The following DHPS variants were observed in gnomAD, a reference collection of about 807,000 sequenced individuals.
DHPS encodes migration-inducing gene 13.
In DHPS, 24 loss-of-function variants were observed where a neutral mutation model predicts 38.7. The observed-to-expected ratio is 0.62, with a 90% CI of 0.45 to 0.87. The LOEUF (loss-of-function observed/expected upper bound fraction) is 0.87. Among genes scored for constraint, DHPS ranks in the 40% least tolerant of loss-of-function variants. DHPS has a pLI of 0.00. For synonymous variants in DHPS, 250 were observed against 204.4 expected (o/e 1.22, Z -1.90); for missense variants, 510 against 497.6 (o/e 1.02, Z -0.24).
At chr19:12,677,991 G>A (rs569395091) in intron 5 of DHPS, among the ~76,000 whole-genome samples, 15 of 149,322 alleles carry the variant, frequency 1.0e-4, no homozygotes, top group Non-Finnish European at 1.9e-4. Context: ...GGTGGCTCAC[G>A]CTTGTAATCC....
At chr19:12,675,038 A>G (rs2024531199), downstream of DHPS, among the ~76,000 whole-genome samples, 1 of 151,742 alleles carries the variant, frequency 6.6e-6, no homozygotes, top group Non-Finnish European at 1.5e-5. Context: ...CGCTTGAACT[A>G]GGGAGTCGGA....
rs560866055 is a variant in DHPS, at chr19:12,675,777, G to T, written c.*61C>A. On this transcript the variant is annotated 3_prime_UTR_variant, in exon 9 of 9. Transcript: ENST00000210060. ...GTAGCTGACCAAAAAGTAGGGGAGGGGCTGGGTCTGCAAATTAATAAATAG... is the reference window on the plus strand; with the variant it reads ...GTAGCTGACCAAAAAGTAGGGGAGGTGCTGGGTCTGCAAATTAATAAATAG... 4 of 1,566,078 alleles carry T rather than the reference G, an allele frequency of 2.6e-6. No individual in the cohort carries two copies. Among genetic ancestry groups the T allele is most frequent in the Non-Finnish European group, 3.5e-6 (4 of 1,154,022 alleles).
intron 7 of DHPS, chr19:12,676,586 C>A: frequency 4.6e-6 from 1 of 218,220 alleles, no homozygotes; most frequent in South Asian, 6.5e-5. Flanking sequence ...GCCAAAGCCC[C>A]GCCTCAGCCC....
chr19:12,672,748 G>A, downstream of DHPS: 12 of 1,238,880 alleles, frequency 9.7e-6, no homozygotes, highest in Non-Finnish European at 1.4e-5. Flanking sequence ...CCACTCCTGT[G>A]CACTGGAAGA....
chr19:12,673,214 TA>T (rs1169041518), downstream of DHPS: 3 of 1,613,818 alleles, frequency 1.9e-6, no homozygotes, highest in African/African-American at 4.0e-5. Context: ...ACAAGGGCCA[TA>T]AGAACCAGGA....
chr19:12,677,545 G>A, intron 5 of DHPS, 149 bp from the exon 6 acceptor site: 1 of 659,416 alleles, frequency 1.5e-6, no homozygotes, highest in Non-Finnish European at 2.6e-6. Context: ...TCACAGATGA[G>A]GCCTATATGA....
chr19:12,681,398 A>T, intron 1 of DHPS, 162 bp downstream of exon 1: 1 of 1,051,360 alleles, frequency 9.5e-7, no homozygotes, highest in Non-Finnish European at 1.4e-6. Flanking sequence ...CCTTCCCAGG[A>T]CAGAAACTCC....
At position 12,681,841 on chromosome 19, in the gene DHPS, CG is replaced by C; in HGVS notation, c.-76del. The stretch of plus-strand genomic sequence containing the variant: ...GGCGGCCCAGAAACGCGTTAAACCC[CG>C]ACGCGCGCGTCTCCGCAAGAGCACA... On this transcript the variant is annotated 5_prime_UTR_variant, in exon 1 of 9. Coordinates refer to ENST00000210060, the MANE Select transcript of DHPS (RefSeq NM_001930.4). 1 of 1,303,898 alleles carries C rather than the reference CG, an allele frequency of 7.7e-7. No individual in the cohort carries two copies. Among genetic ancestry groups the C allele is most frequent in the Admixed American group, 2.0e-5 (1 of 49,744 alleles). The allele number at this position is 1,303,898 out of a possible 1,614,324, so 80.8% of individuals were successfully genotyped here.
At chr19:12,675,251 A>AC (rs1157463505), downstream of DHPS, among the ~76,000 whole-genome samples, 2 of 152,138 alleles carry the variant, frequency 1.3e-5, no homozygotes, top group African/African-American at 2.4e-5. Flanking sequence ...ACATGGTAAG[A>AC]CCCCATCTCT....
At chr19:12,675,704 C>G (rs756634410), downstream of DHPS, 1 of 1,596,334 alleles carries the variant, frequency 6.3e-7, no homozygotes, top group Non-Finnish European at 8.5e-7. Flanking sequence ...GACCAAGGAC[C>G]GAGACACAGA....
intron 2 of DHPS, 107 bp downstream of exon 2, chr19:12,680,054 T>C: frequency 6.4e-7 from 1 of 1,553,730 alleles, no homozygotes; most frequent in Non-Finnish European, 8.8e-7. Context: ...CTTGATTCTA[T>C]TCCTCTGCTT....
chr19:12,679,353 G>T, intron 5 of DHPS, 104 bp downstream of exon 5: 1 of 1,111,012 alleles, frequency 9.0e-7, no homozygotes, highest in Non-Finnish European at 1.4e-6. Flanking sequence ...ATCTAAGAGT[G>T]AGGATGCTGA....
rs747275127 is a variant in DHPS, at chr19:12,681,745, C to T, written c.22G>A (p.Glu8Lys). ...GCGGCCAGCGCCCCCGCTGGCGCCT[C>T]CCGTTCCAGGGAACCTTCCATGCGC... MEGSLER[E>K]APAGALAAVL... Residue 8 changes from glutamate (E) to lysine (K), a missense_variant, in exon 1 of 9, where the codon GAG becomes AAG. Glu to Lys is a moderately conservative substitution (Grantham distance 56). Coordinates refer to ENST00000210060, the MANE Select transcript of DHPS (RefSeq NM_001930.4). The T allele has an allele frequency of 1.9e-6, 3 of 1,611,052 alleles. No individual in the cohort carries two copies. The highest frequency in any genetic ancestry group is 2.5e-6 in the Non-Finnish European group (3 of 1,179,920).
chr19:12,680,476 TAA>T, intron 1 of DHPS, 151 bp from the exon 2 acceptor site: 1 of 738,764 alleles, frequency 1.4e-6, no homozygotes, highest in East Asian at 2.7e-5. Context: ...ATCTCCTGTG[TAA>T]ACTCTGCCCC....
intron 5 of DHPS, among the ~76,000 whole-genome samples, chr19:12,677,771 G>A (rs2145353478): frequency 6.6e-6 from 1 of 152,148 alleles, no homozygotes; most frequent in African/African-American, 2.4e-5. Context: ...GAGTAGCTAG[G>A]ATTACAGGCG....
At position 12,681,653 on chromosome 19, in the gene DHPS, G is replaced by A. The variant is rs764021478; in HGVS notation, c.114C>T (p.Arg38=). 5 of 1,614,220 alleles carry A rather than the reference G, an allele frequency of 3.1e-6. No individual in the cohort carries two copies. The South Asian group carries it at 4.4e-5, about 14-fold the overall frequency. The change falls in exon 1 of 9, where the codon CGC becomes CGT. Residue 38 remains arginine (R), a synonymous_variant. Transcript: ENST00000210060. ...STQVRGYDFN[R]GVNYRALLEA... ...CCAGCAGTGCGCGGTAATTCACACC[G>A]CGGTTGAAGTCGTAGCCCCGGACCT...
chr19:12,676,100 C>T lies in DHPS; in HGVS notation c.931G>A (p.Glu311Lys). 6.2e-7 allele frequency: 1 copy of T among 1,613,910 alleles called. No individual in the cohort carries two copies. The highest frequency in any genetic ancestry group is 8.5e-7 in the Non-Finnish European group (1 of 1,179,960). ...GCACCTGAGTCAGAGCCATCAAACT[C>T]CTGGGCTGTGTTGATGTAAACAGCG... ...DYAVYINTAQ[E>K]FDGSDSGARP... The change falls in exon 8 of 9, where the codon GAG (glutamate) becomes AAG (lysine). Residue 311 changes from glutamate (E) to lysine (K), a missense_variant. Transcript: ENST00000210060.
At chr19:12,681,482 C>T (rs1436497346) in intron 1 of DHPS, 78 bp downstream of exon 1, 1 of 1,523,762 alleles carries the variant, frequency 6.6e-7, no homozygotes, top group Non-Finnish European at 9.0e-7. Flanking sequence ...CCACTGGAAA[C>T]GCTGCCCCCG....
intron 7 of DHPS, chr19:12,676,733 T>G (rs565198362): frequency 2.1e-5 from 6 of 291,630 alleles, no homozygotes; most frequent in Non-Finnish European, 4.1e-5. Context: ...GGCTGTTCCC[T>G]CTCCTGGGAA....
Sources: gnomAD v4.1 joint callset for allele counts (sites outside exome capture counted in the v4.1 genomes callset) on GRCh38, gnomAD v4.1.1 for gene constraint, MANE v1.5 for transcripts, NCBI Gene and HGNC (gene_info 2026-07-23, HGNC 2026-07-21) for gene names.